CYLD: variants seen among roughly 807,000 people sequenced by gnomAD.
CYLD encodes the protein CYLD lysine 63 deubiquitinase.
A neutral mutation model predicts 104.5 loss-of-function variants in CYLD; 26 were observed. That is an observed-to-expected ratio of 0.25 (90% confidence interval 0.18 to 0.35). The LOEUF (loss-of-function observed/expected upper bound fraction) is 0.35, where lower values mean the gene tolerates loss of function less well. Among genes scored for constraint, CYLD ranks in the 10% least tolerant of loss-of-function variants. CYLD has a pLI of 1.00. For missense variants in CYLD, 703 were observed against 1,136.1 expected (o/e 0.62, Z 5.48); for synonymous variants, 385 against 399.9 (o/e 0.96, Z 0.45).
chr16:50,766,267 A>G (rs2150955326), intron 5 of CYLD, among the ~76,000 whole-genome samples: 1 of 152,350 alleles, frequency 6.6e-6, no homozygotes, highest in South Asian at 2.1e-4. Flanking sequence ...CCTGTGCTCT[A>G]TAAATGGAAC....
chr16:50,780,386 T>C (rs1384040145), intron 9 of CYLD, among the ~76,000 whole-genome samples: 2 of 152,210 alleles, frequency 1.3e-5, no homozygotes, highest in Non-Finnish European at 2.9e-5. Context: ...CTAATAATTA[T>C]ATCACTGGCT....
chr16:50,782,538 G>A (rs1970330279), intron 11 of CYLD, 72 bp downstream of exon 11: 2 of 1,489,904 alleles, frequency 1.3e-6, no homozygotes, highest in African/African-American at 2.8e-5. Flanking sequence ...GTGTGTGTGT[G>A]TGTGCGTGTG....
Position 50,800,598 on chromosome 16 carries a change from A to G in CYLD, c.*4090A>G, listed in dbSNP as rs1256154867. The G allele has an allele frequency of 8.6e-6, 2 of 232,642 alleles. No homozygotes were observed. The highest frequency in any genetic ancestry group is 1.8e-4 in the South Asian group (1 of 5,526). The allele number at this position is 232,642 out of a possible 1,614,324, so 14.4% of individuals were successfully genotyped here. Reference sequence around the variant, plus strand: ...TTCCCCTTTTATTTATTTAGAGGAAATTGAGATTCTAGGAGCCAAAAAAAT... The same window carrying G: ...TTCCCCTTTTATTTATTTAGAGGAAGTTGAGATTCTAGGAGCCAAAAAAAT... On this transcript the variant is annotated 3_prime_UTR_variant, in exon 19 of 19. Transcript: ENST00000427738.
At chr16:50,742,895 C>A in intron 2 of CYLD, 54 bp downstream of exon 2, 1 of 111,720 alleles carries the variant, frequency 9.0e-6, no homozygotes, top group Admixed American at 2.2e-4. Context: ...GGGTGGGGGG[C>A]GAATGGGGGG....
intron 16 of CYLD, 109 bp downstream of exon 16, chr16:50,792,814 A>G: frequency 1.5e-6 from 1 of 659,936 alleles, no homozygotes; most frequent in Non-Finnish European, 2.7e-6. Context: ...TCCCAAGGCA[A>G]TTCAGTATCT....
At chr16:50,778,258 T>A (rs893267036) in intron 8 of CYLD, 22 of 196,542 alleles carry the variant, frequency 1.1e-4, no homozygotes, top group Admixed American at 1.0e-3. Context: ...CCCTTGGTCC[T>A]GGGACATCAT....
Position 50,779,690 on chromosome 16 carries a change from T to C in CYLD, c.1164T>C (p.Leu388=), listed in dbSNP as rs1970023652. The change falls in exon 9 of 19, where the codon CTT becomes CTC. Residue 388 remains leucine (L), a synonymous_variant. Coordinates refer to ENST00000427738, the MANE Select transcript of CYLD (RefSeq NM_001378743.1). ...DEVAEDPAKS[L]TEISTDFDRS... ...TTGCAGAAGACCCTGCAAAATCTCT[T>C]ACAGAGATATCTACAGACTTTGACC... is the stretch of plus-strand genomic sequence containing the variant. 6.2e-7 allele frequency: 1 copy of C among 1,613,830 alleles called. No individual in the cohort carries two copies. The highest frequency in any genetic ancestry group is 1.7e-5 in the Admixed American group (1 of 59,992).
chr16:50,763,777 G>A (rs1056832583), intron 5 of CYLD, among the ~76,000 whole-genome samples: 6 of 152,036 alleles, frequency 3.9e-5, no homozygotes, highest in African/African-American at 1.4e-4. Flanking sequence ...ATACAATATT[G>A]AATAGAAGTA....
chr16:50,788,708 A>G (rs1971098495), intron 14 of CYLD, among the ~76,000 whole-genome samples: 1 of 152,176 alleles, frequency 6.6e-6, no homozygotes, highest in African/African-American at 2.4e-5. Context: ...AATCCTAGAG[A>G]ATGGCCTAAA....
At position 50,786,905 on chromosome 16, in the gene CYLD, A is replaced by G. The variant is rs1265347564; in HGVS notation, c.2000A>G (p.Glu667Gly). 1 of 1,613,768 alleles carries G rather than the reference A, an allele frequency of 6.2e-7. No homozygotes were observed. Among genetic ancestry groups the G allele is most frequent in the Non-Finnish European group, 8.5e-7 (1 of 1,179,810 alleles). Reference sequence around the variant, plus strand: ...ATTATGAAACTGAGGAAAATACTTGAAAAGGTGGAGGCTGCATCAGGATTT... The same window carrying G: ...ATTATGAAACTGAGGAAAATACTTGGAAAGGTGGAGGCTGCATCAGGATTT... ...TKIMKLRKIL[E>G]KVEAASGFTS... The change falls in exon 13 of 19, where the codon GAA becomes GGA. Residue 667 changes from glutamate (E) to glycine (G), a missense_variant. Around this residue, in one of 5 missense-constraint regions of CYLD, gnomAD observed 125 missense variants for 325.4 expected, o/e 0.38. Transcript: ENST00000427738.
chr16:50,745,032 CGTT>C (rs1242662061), intron 2 of CYLD, among the ~76,000 whole-genome samples: 2 of 152,158 alleles, frequency 1.3e-5, no homozygotes, highest in Non-Finnish European at 2.9e-5. Flanking sequence ...TGTTTCAACT[CGTT>C]GGTAATTTTC....
chr16:50,790,450 A>AT (rs888631460), intron 14 of CYLD, among the ~76,000 whole-genome samples: 98 of 147,244 alleles, frequency 6.7e-4, no homozygotes, highest in Admixed American at 2.0e-3. Context: ...TTCCTCTCTT[A>AT]TTTTTTTTTT....
chr16:50,777,957 A>G lies in CYLD; in HGVS notation c.1138+16A>G. On this transcript the variant is annotated intron_variant, in intron 8 of 18. Coordinates refer to ENST00000427738, the MANE Select transcript of CYLD (RefSeq NM_001378743.1). ...ATTGATGAAGGTAATCAGTAATTTTAGTGTTCTTTATAATGATCCTTTCTT... is the reference window on the plus strand; with the variant it reads ...ATTGATGAAGGTAATCAGTAATTTTGGTGTTCTTTATAATGATCCTTTCTT... 1 of 1,319,994 alleles carries G rather than the reference A, an allele frequency of 7.6e-7. No individual in the cohort carries two copies. The highest frequency in any genetic ancestry group is 1.1e-6 in the Non-Finnish European group (1 of 912,468). 81.8% of individuals were successfully genotyped at this position (1,319,994 alleles called of 1,614,324 possible). A position where few individuals can be genotyped will look rare whatever the true frequency, so the allele number is the denominator to read the frequency against.
chr16:50,800,674 A>G lies in CYLD; in HGVS notation c.*4166A>G. 4.3e-6 allele frequency: 1 copy of G among 232,718 alleles called. No individual in the cohort carries two copies. 14.4% of individuals were successfully genotyped at this position (232,718 alleles called of 1,614,324 possible). ...AAAGAAAAAAATTACATTATTTCTTACCATTTGCTACTTTATAATGAAAAT... is the reference window on the plus strand; with the variant it reads ...AAAGAAAAAAATTACATTATTTCTTGCCATTTGCTACTTTATAATGAAAAT... On this transcript the variant is annotated 3_prime_UTR_variant, in exon 19 of 19. Transcript: ENST00000427738.
At chr16:50,762,698 T>C (rs2150946180) in intron 5 of CYLD, among the ~76,000 whole-genome samples, 1 of 152,366 alleles carries the variant, frequency 6.6e-6, no homozygotes, top group Non-Finnish European at 1.5e-5. Context: ...TTCTATGATA[T>C]TAAAACTTCT....
At chr16:50,786,741 G>T (rs1970871548) in intron 12 of CYLD, 114 bp from the exon 13 acceptor site, 3 of 772,060 alleles carry the variant, frequency 3.9e-6, no homozygotes, top group Non-Finnish European at 6.4e-6. Context: ...CAGCCTGAGT[G>T]ATAGAGTGAG....
At chr16:50,773,757 A>G (rs1969379888) in intron 5 of CYLD, among the ~76,000 whole-genome samples, 2 of 152,192 alleles carry the variant, frequency 1.3e-5, no homozygotes, top group African/African-American at 4.8e-5. Context: ...GTTTTGGGCC[A>G]TGAACACAGT....
intron 14 of CYLD, 102 bp from the exon 15 acceptor site, chr16:50,791,456 T>C: frequency 8.1e-7 from 1 of 1,237,156 alleles, no homozygotes; most frequent in African/African-American, 1.5e-5. Context: ...ACCATCAATT[T>C]TATGGTTTTT....
At chr16:50,771,765 T>TA (rs1286505809) in intron 5 of CYLD, among the ~76,000 whole-genome samples, 10 of 152,308 alleles carry the variant, frequency 6.6e-5, no homozygotes, top group South Asian at 6.2e-4. Context: ...AATTTTTTTT[T>TA]AAAAAATCTA....
Sources: gnomAD v4.1 joint callset for allele counts (sites outside exome capture counted in the v4.1 genomes callset) on GRCh38, gnomAD v4.1.1 for gene constraint, gnomAD v4.1.1 regional missense constraint, MANE v1.5 for transcripts, NCBI Gene and HGNC (gene_info 2026-07-23, HGNC 2026-07-21) for gene names.